Variants in ADAMTS2 observed in about 807,000 individuals in gnomAD.
ADAMTS2 encodes A disintegrin and metalloproteinase with thrombospondin motifs 2.
A neutral mutation model predicts 123.0 loss-of-function variants in ADAMTS2; 50 were observed. That is an observed-to-expected ratio of 0.41 (90% CI 0.32 to 0.51). The LOEUF is 0.51. Among genes scored for constraint, ADAMTS2 ranks in the 20% least tolerant of loss-of-function variants. ADAMTS2 has a pLI of 0.35. For missense variants in ADAMTS2, 1,494 were observed against 1,705.2 expected (o/e 0.88, Z 2.18); for synonymous variants, 678 against 695.4 (o/e 0.98, Z 0.39).
chr5:179,332,292 TC>T lies in ADAMTS2; in HGVS notation c.534+11474del, dbSNP rs1247191868. 6.6e-6 allele frequency among the ~76,000 whole-genome samples: 1 copy of T among 152,112 alleles called. No homozygotes were observed. The highest frequency in any genetic ancestry group is 1.5e-5 in the Non-Finnish European group (1 of 68,010). On this transcript the variant is annotated intron_variant, in intron 2 of 21. Transcript: ENST00000251582. This position sits in a 1 kb window ranked among gnomAD's most constrained non-coding sequence, Gnocchi z 4.2. ...TCTGGGCACTCACCCTCCCAGAACC[TC>T]CACCTGTTCACCAACCCAAAGCTCT... is the stretch of plus-strand genomic sequence containing the variant.
rs1337630481 is a variant in ADAMTS2, at chr5:179,285,465, C to T, written c.535-12401G>A. On this transcript the variant is annotated intron_variant, in intron 2 of 21. Transcript: ENST00000251582. This position sits in a 1 kb window ranked among gnomAD's most constrained non-coding sequence, Gnocchi z 4.9. The stretch of plus-strand genomic sequence containing the variant: ...TGTCCAGAATGTCCCACACTCAGCC[C>T]TCTGCAGCCAGCTCCCCCATCTCCA... Among the ~76,000 whole-genome samples the T allele has an allele frequency of 6.6e-6, 1 of 152,244 alleles. No homozygotes were observed. Among genetic ancestry groups the T allele is most frequent in the Non-Finnish European group, 1.5e-5 (1 of 68,044 alleles).
At chr5:179,259,507 C>T (rs1047716484) in intron 3 of ADAMTS2, among the ~76,000 whole-genome samples, 5 of 152,168 alleles carry the variant, frequency 3.3e-5, no homozygotes, top group Admixed American at 3.3e-4. Context: ...GCTTTATGTC[C>T]AGAGACAACC....
rs892438497 is a variant in ADAMTS2, at chr5:179,198,257, G to A, written c.891+9256C>T. 2.0e-5 allele frequency among the ~76,000 whole-genome samples: 3 copies of A among 152,338 alleles called. No homozygotes were observed. In the East Asian group the frequency reaches 5.8e-4, roughly 29 times the overall value. ...GAGCCAGAGTAGAAAGCTGGGAGGA[G>A]CAGGAGCAGAATGAAGGCAGAGGGA... On this transcript the variant is annotated intron_variant, in intron 4 of 21. Coordinates refer to ENST00000251582, the MANE Select transcript of ADAMTS2 (RefSeq NM_014244.5).
rs748526469 is a variant in ADAMTS2, at chr5:179,239,878, A to G, written c.689-32163T>C. Among the ~76,000 whole-genome samples, 85 of 152,128 alleles carry G rather than the reference A, an allele frequency of 5.6e-4. 1 individual carries two copies. The highest frequency in any genetic ancestry group is 1.5e-4 in the Non-Finnish European group (10 of 68,022). ...AAGCCACACCAAGGGAGCAGGAGGG[A>G]CTAGCCTGCCACGTGCTAGGGATGG... On this transcript the variant is annotated intron_variant, in intron 3 of 21. Coordinates refer to ENST00000251582, the MANE Select transcript of ADAMTS2 (RefSeq NM_014244.5).
At chr5:179,344,464 G>A (rs1040616144) in intron 1 of ADAMTS2, among the ~76,000 whole-genome samples, 1 of 152,176 alleles carries the variant, frequency 6.6e-6, no homozygotes, top group African/African-American at 2.4e-5. Context: ...ACCTCCCCGT[G>A]CCCGAAGGGA....
intron 2 of ADAMTS2, among the ~76,000 whole-genome samples, chr5:179,311,136 T>C (rs1756823051): frequency 6.7e-6 from 1 of 149,820 alleles, no homozygotes; most frequent in Non-Finnish European, 1.5e-5. Context: ...GGAGGATGCG[T>C]ATGTTCAGCA....
At chr5:179,187,231 C>G (rs252068) in intron 4 of ADAMTS2, among the ~76,000 whole-genome samples, 54,738 of 152,068 alleles carry the variant, frequency 0.36, 10,758 homozygotes, top group Non-Finnish European at 0.45. Context: ...GAGGCAGTGA[C>G]CTCCTTGCTT....
At chr5:179,169,133 G>A (rs1394986602) in intron 5 of ADAMTS2, among the ~76,000 whole-genome samples, 1 of 152,228 alleles carries the variant, frequency 6.6e-6, no homozygotes, top group African/African-American at 2.4e-5. Context: ...CAATGTTATG[G>A]TATTAGGAAG....
chr5:179,198,414 G>C (rs564733855), intron 4 of ADAMTS2, among the ~76,000 whole-genome samples: 3 of 152,168 alleles, frequency 2.0e-5, no homozygotes, highest in African/African-American at 4.8e-5. Flanking sequence ...GCCCTTAGAC[G>C]GGGGAATGTG....
chr5:179,200,373 C>T (rs1183876545), intron 4 of ADAMTS2, among the ~76,000 whole-genome samples: 3 of 151,594 alleles, frequency 2.0e-5, no homozygotes, highest in Non-Finnish European at 2.9e-5. Context: ...CTCAGCCTCC[C>T]GAGTAGCTGG....
rs114557074 is a variant in ADAMTS2 at position 179,262,484 on chromosome 5, G to A, written c.688+10427C>T. Among the ~76,000 whole-genome samples, 827 of 151,798 alleles carry A rather than the reference G, an allele frequency of 5.4e-3. 1 individual carries two copies. The highest frequency in any genetic ancestry group is 9.0e-3 in the Non-Finnish European group (610 of 67,960). On this transcript the variant is annotated intron_variant, in intron 3 of 21. Transcript: ENST00000251582. This position sits in a 1 kb window ranked among gnomAD's most constrained non-coding sequence, Gnocchi z 5.9. Reference sequence around the variant, plus strand: ...CGTACCGTGACCGTCCCTTCAAAGCGATGAGTGCCACCCATCCCTCCCGGC... The same window carrying A: ...CGTACCGTGACCGTCCCTTCAAAGCAATGAGTGCCACCCATCCCTCCCGGC...
intron 20 of ADAMTS2, 26 bp from the exon 21 acceptor site, chr5:179,121,776 G>T (rs1187666867): frequency 2.0e-6 from 3 of 1,503,226 alleles, no homozygotes; most frequent in Non-Finnish European, 2.7e-6. Flanking sequence ...AGGGGCTGCG[G>T]CCGCAGGGCA....
At position 179,170,204 on chromosome 5, in the gene ADAMTS2, TCAAA is replaced by T. The variant is rs1393416777; in HGVS notation, c.975+10864_975+10867del. On this transcript the variant is annotated intron_variant, in intron 5 of 21. Coordinates refer to ENST00000251582, the MANE Select transcript of ADAMTS2 (RefSeq NM_014244.5). The surrounding 1 kb of genome is among the most constrained non-coding windows in gnomAD (Gnocchi z 4.3). ...ATAAGCTAGAAGACAAACATGTCAC[TCAAA>T]CAAGTGCTACCAATTTTATCCCCAC... 6.6e-6 allele frequency among the ~76,000 whole-genome samples: 1 copy of T among 152,182 alleles called. No homozygotes were observed. Among genetic ancestry groups the T allele is most frequent in the African/African-American group, 2.4e-5 (1 of 41,454 alleles).
At chr5:179,339,759 C>A (rs1031880490) in intron 2 of ADAMTS2, among the ~76,000 whole-genome samples, 8 of 152,216 alleles carry the variant, frequency 5.3e-5, no homozygotes, top group Non-Finnish European at 1.2e-4. Flanking sequence ...ACCCTACCAG[C>A]GGCAGCTGCA....
chr5:179,207,475 T>TACCCCCCCCCCCCCC, intron 4 of ADAMTS2, 38 bp downstream of exon 4: 1 of 588,616 alleles, frequency 1.7e-6, no homozygotes, highest in Non-Finnish European at 3.2e-6. Context: ...TGGTTGACCC[T>TACCCCCCCCCCCCCC]CCCCGCCCCA....
In ADAMTS2 at chr5:179,113,595, A is replaced by G; in HGVS notation, c.*272T>C. 1 of 501,832 alleles carries G rather than the reference A, an allele frequency of 2.0e-6. No homozygotes were observed. The highest frequency in any genetic ancestry group is 3.6e-6 in the Non-Finnish European group (1 of 276,872). The allele number at this position is 501,832 out of a possible 1,614,324, so 31.1% of individuals were successfully genotyped here. ...GAGTGATCCCTCTTGCCCTGCCCTC[A>G]CTGAGGGAGGCCATACAGCCTCTAT... On this transcript the variant is annotated 3_prime_UTR_variant, in exon 22 of 22. Transcript: ENST00000251582.
intron 3 of ADAMTS2, among the ~76,000 whole-genome samples, chr5:179,261,935 T>C (rs1766235868): frequency 6.6e-6 from 1 of 152,190 alleles, no homozygotes; most frequent in African/African-American, 2.4e-5. Context: ...GAGCACAGCC[T>C]CTGCCTCCCG....
Position 179,345,067 on chromosome 5 carries a change from G to T in ADAMTS2, c.139+123C>A. ...CCCCGAAGTTGGCCAACTTGGCCCCGGGCGGGGCGCGCGGAGTTTGCCCAA... is the reference window on the plus strand; with the variant it reads ...CCCCGAAGTTGGCCAACTTGGCCCCTGGCGGGGCGCGCGGAGTTTGCCCAA... On this transcript the variant is annotated intron_variant, in intron 1 of 21. Transcript: ENST00000251582. The surrounding 1 kb of genome is among the most constrained non-coding windows in gnomAD (Gnocchi z 7.5). 2.6e-6 allele frequency: 2 copies of T among 782,128 alleles called. No homozygotes were observed. Among genetic ancestry groups the T allele is most frequent in the Non-Finnish European group, 3.2e-6 (2 of 633,470 alleles). 48.4% of individuals were successfully genotyped at this position (782,128 alleles called of 1,614,324 possible).
intron 19 of ADAMTS2, 127 bp downstream of exon 19, chr5:179,124,846 A>T: frequency 6.3e-7 from 1 of 1,599,868 alleles, no homozygotes; most frequent in South Asian, 1.1e-5. Context: ...GCGTCATTGC[A>T]GTGCTTGGCA....
Sources: gnomAD v4.1 joint callset for allele counts (sites outside exome capture counted in the v4.1 genomes callset) on GRCh38, gnomAD v4.1.1 for gene constraint, Gnocchi (gnomAD v3.1) non-coding constraint, MANE v1.5 for transcripts, NCBI Gene and HGNC (gene_info 2026-07-23, HGNC 2026-07-21) for gene names.